SFRP1: variants seen among roughly 807,000 people sequenced by gnomAD.
SFRP1 encodes the protein secreted frizzled related protein 1.
In SFRP1, 9 loss-of-function variants were observed where a neutral mutation model predicts 25.9. That is an observed-to-expected ratio of 0.35 (90% CI 0.21 to 0.61). SFRP1 has a LOEUF of 0.61. SFRP1 is among the 20% of genes least tolerant of loss of function. The pLI is 0.78. For synonymous variants in SFRP1, 178 were observed against 174.0 expected, an observed-to-expected ratio of 1.02 and a Z score of -0.18; for missense variants, 346 against 418.2, an observed-to-expected ratio of 0.83 and a Z score of 1.51.
intron 2 of SFRP1, among the ~76,000 whole-genome samples, chr8:41,293,665 C>T (rs548422488): frequency 3.3e-5 from 5 of 152,146 alleles, no homozygotes; most frequent in African/African-American, 4.8e-5. Flanking sequence ...GCTAGAACTA[C>T]GCACAAAGGC....
chr8:41,282,154 G>A (rs889020068), intron 2 of SFRP1, among the ~76,000 whole-genome samples: 3 of 152,222 alleles, frequency 2.0e-5, no homozygotes, highest in Non-Finnish European at 4.4e-5. Context: ...TTGCCTGCAT[G>A]GCAAAGGGCC....
intron 1 of SFRP1, chr8:41,306,912 C>T: frequency 1.3e-6 from 2 of 1,574,228 alleles, no homozygotes; most frequent in Non-Finnish European, 8.6e-7. Context: ...TTCAGGCAAC[C>T]CGTCCAATCC....
intron 2 of SFRP1, among the ~76,000 whole-genome samples, chr8:41,302,942 C>G (rs565848819): frequency 1.2e-4 from 18 of 151,894 alleles, no homozygotes; most frequent in Middle Eastern, 3.4e-3. Context: ...CTGATGAGGA[C>G]CCCCACTCTG....
Position 41,262,412 on chromosome 8 carries a change from C to A in SFRP1, c.*2755G>T, listed in dbSNP as rs145086322. ...GGAAATGGGATTACTGTAATTTACACATCCAAATGCAAACTGGAGCTCTGA... is the reference window on the plus strand; with the variant it reads ...GGAAATGGGATTACTGTAATTTACAAATCCAAATGCAAACTGGAGCTCTGA... On this transcript the variant is annotated 3_prime_UTR_variant, in exon 3 of 3. Coordinates refer to ENST00000220772, the MANE Select transcript of SFRP1 (RefSeq NM_003012.5). The A allele has an allele frequency of 6.6e-6, 1 of 152,338 alleles. No individual in the cohort carries two copies. Among genetic ancestry groups the A allele is most frequent in the Non-Finnish European group, 1.5e-5 (1 of 68,032 alleles). 9.4% of individuals were successfully genotyped at this position (152,338 alleles called of 1,614,324 possible).
chr8:41,281,069 GCATGAC>G (rs1803629617), intron 2 of SFRP1, among the ~76,000 whole-genome samples: 2 of 152,198 alleles, frequency 1.3e-5, no homozygotes, highest in East Asian at 3.9e-4. Flanking sequence ...CTCCTAGCAG[GCATGAC>G]CACCTCTAAT....
chr8:41,304,575 C>CT (rs1803969905), intron 1 of SFRP1, among the ~76,000 whole-genome samples: 1 of 152,158 alleles, frequency 6.6e-6, no homozygotes, highest in Admixed American at 6.5e-5. Flanking sequence ...ACCCTGCACT[C>CT]GGGGAGTGCA....
At chr8:41,306,295 A>C (rs1803995655) in intron 1 of SFRP1, among the ~76,000 whole-genome samples, 1 of 152,258 alleles carries the variant, frequency 6.6e-6, no homozygotes, top group African/African-American at 2.4e-5. Context: ...GTATGCAAAG[A>C]TATGACACTG....
At chr8:41,278,203 C>T (rs1803593535) in intron 2 of SFRP1, among the ~76,000 whole-genome samples, 1 of 152,152 alleles carries the variant, frequency 6.6e-6, no homozygotes, top group Non-Finnish European at 1.5e-5. Flanking sequence ...GTCAGCACTA[C>T]TTACAGAATT....
chr8:41,288,530 CAAAAAAAAAAAAAAAAAAA>C (rs397893046), intron 2 of SFRP1, among the ~76,000 whole-genome samples: 23 of 39,112 alleles, frequency 5.9e-4, no homozygotes, highest in Admixed American at 1.7e-3. Context: ...AGACCCTGTC[CAAAAAAAAAAAAAAAAAAA>C]AAAAAAAAAA....
intron 1 of SFRP1, among the ~76,000 whole-genome samples, chr8:41,304,998 A>C (rs1244306198): frequency 6.6e-6 from 1 of 152,058 alleles, no homozygotes; most frequent in Non-Finnish European, 1.5e-5. Context: ...AGAACTTGAG[A>C]CTGGGTTCTA....
chr8:41,290,021 G>A (rs1430833518), intron 2 of SFRP1, among the ~76,000 whole-genome samples: 1 of 152,222 alleles, frequency 6.6e-6, no homozygotes, highest in African/African-American at 2.4e-5. Flanking sequence ...CCAGGCAGAT[G>A]TGCTATGCAC....
intron 2 of SFRP1, among the ~76,000 whole-genome samples, chr8:41,267,726 A>G (rs891264551): frequency 7.2e-5 from 11 of 152,218 alleles, no homozygotes; most frequent in African/African-American, 2.7e-4. Flanking sequence ...AAACTGAGGC[A>G]TAGGGGGTTA....
At chr8:41,308,445 C>T (rs1287669014) in intron 1 of SFRP1, among the ~76,000 whole-genome samples, 171 bp downstream of exon 1, 6 of 152,248 alleles carry the variant, frequency 3.9e-5, no homozygotes, top group Non-Finnish European at 8.8e-5. Flanking sequence ...ATACCTGGGA[C>T]AGACCAGACG....
chr8:41,305,878 G>A (rs555341268), intron 1 of SFRP1, among the ~76,000 whole-genome samples: 1 of 152,204 alleles, frequency 6.6e-6, no homozygotes, highest in Admixed American at 6.5e-5. Flanking sequence ...CCAGTTCCTG[G>A]GGGGACCAAA....
Position 41,292,085 on chromosome 8 carries a change from C to A in SFRP1, c.622+11376G>T, listed in dbSNP as rs186098776. On this transcript the variant is annotated intron_variant, in intron 2 of 2. Transcript: ENST00000220772. ...AACTTCAAAAGCAACACACCCCAGGCAGAATTACACCACTAAAAACTTCCA... is the reference window on the plus strand; with the variant it reads ...AACTTCAAAAGCAACACACCCCAGGAAGAATTACACCACTAAAAACTTCCA... Among the ~76,000 whole-genome samples, 7 of 152,302 alleles carry A rather than the reference C, an allele frequency of 4.6e-5. No homozygotes were observed. The East Asian group carries it at 1.2e-3, about 25-fold the overall frequency.
At chr8:41,292,322 C>A in intron 2 of SFRP1, among the ~76,000 whole-genome samples, 1 of 152,134 alleles carries the variant, frequency 6.6e-6, no homozygotes, top group Non-Finnish European at 1.5e-5. Context: ...GAGGGAGAGA[C>A]CTGGTGGGAG....
intron 1 of SFRP1, among the ~76,000 whole-genome samples, chr8:41,306,488 C>A (rs987371308): frequency 6.8e-6 from 1 of 146,264 alleles, no homozygotes; most frequent in Non-Finnish European, 1.5e-5. Flanking sequence ...CCTACACACA[C>A]ACACACACAC....
chr8:41,297,723 T>C lies in SFRP1; in HGVS notation c.622+5738A>G, dbSNP rs1803861374. On this transcript the variant is annotated intron_variant, in intron 2 of 2. Coordinates refer to ENST00000220772, the MANE Select transcript of SFRP1 (RefSeq NM_003012.5). ...TCGCTTAGCTTATAGGGTAGGGATTTAATCCAAGTCTGTCTCGCCCAGAGC... is the reference window on the plus strand; with the variant it reads ...TCGCTTAGCTTATAGGGTAGGGATTCAATCCAAGTCTGTCTCGCCCAGAGC... Among the ~76,000 whole-genome samples, 2 of 152,066 alleles carry C rather than the reference T, an allele frequency of 1.3e-5. 1 individual carries two copies. The highest frequency in any genetic ancestry group is 4.2e-4 in the South Asian group (2 of 4,794).
In SFRP1 at chr8:41,303,538, C is replaced by T; in HGVS notation, c.545G>A (p.Gly182Asp). 1 of 1,612,952 alleles carries T rather than the reference C, an allele frequency of 6.2e-7. No homozygotes were observed. The highest frequency in any genetic ancestry group is 8.5e-7 in the Non-Finnish European group (1 of 1,179,110). ...GTCACAGGGAGGACACACCGTTGTG[C>T]CTGGGAAAGGAAGTAGGGAGAAACG... is the stretch of plus-strand genomic sequence containing the variant. ...PNATEASKPQ[G>D]TTVCPPCDNE... Residue 182 changes from glycine (G) to aspartate (D), a missense_variant and splice_region_variant, in exon 2 of 3, where the codon GGC becomes GAC. Coordinates refer to ENST00000220772, the MANE Select transcript of SFRP1 (RefSeq NM_003012.5).
Sources: allele counts gnomAD v4.1 joint callset (sites outside exome capture counted in the v4.1 genomes callset), GRCh38; gene constraint gnomAD v4.1.1; transcripts MANE v1.5; gene names NCBI Gene and HGNC (gene_info 2026-07-23, HGNC 2026-07-21).